SKIC3: variants seen among roughly 807,000 people sequenced by gnomAD.
The protein encoded by SKIC3 is superkiller complex protein 3.
At chr5:95,473,786 G>A in the SKIC3 span, among the ~76,000 whole-genome samples, 1 of 152,024 alleles carries the variant, frequency 6.6e-6, no homozygotes, top group African/African-American at 2.4e-5. Flanking sequence ...GCTGATTTAC[G>A]TTCCTTATTG....
the SKIC3 span, among the ~76,000 whole-genome samples, chr5:95,490,504 A>ATT: frequency 0.12 from 17,925 of 144,078 alleles, 1,810 homozygotes; most frequent in African/African-American, 0.27. Flanking sequence ...ATATATATAT[A>ATT]TTTTTTTTTT....
the SKIC3 span, chr5:95,512,915 CA>C: frequency 0.05 from 12,969 of 257,952 alleles, 5 homozygotes; most frequent in South Asian, 0.082. Flanking sequence ...AAGGTCAGAC[CA>C]AAAAAAAAAA....
chr5:95,494,929 A>C, the SKIC3 span: 1 of 1,608,666 alleles, frequency 6.2e-7, no homozygotes, highest in Non-Finnish European at 8.5e-7. Context: ...TTATTTAATA[A>C]ATTCAACATT....
At chr5:95,522,299 G>A in the SKIC3 span, 2 of 1,613,276 alleles carry the variant, frequency 1.2e-6, no homozygotes, top group South Asian at 1.1e-5. Flanking sequence ...TCTTAATGCT[G>A]CCTGTAAACT....
chr5:95,482,608 C>A, the SKIC3 span: 2 of 1,613,772 alleles, frequency 1.2e-6, no homozygotes, highest in African/African-American at 1.3e-5. Flanking sequence ...TAACGGCTGG[C>A]TGATCAGGGT....
the SKIC3 span, among the ~76,000 whole-genome samples, chr5:95,538,938 CA>C: frequency 6.6e-6 from 1 of 151,992 alleles, no homozygotes; most frequent in Non-Finnish European, 1.5e-5. Flanking sequence ...TTGTGAAAGC[CA>C]ATTCAGTTTC....
At chr5:95,504,850 C>G in the SKIC3 span, among the ~76,000 whole-genome samples, 1 of 151,774 alleles carries the variant, frequency 6.6e-6, no homozygotes, top group Admixed American at 6.6e-5. Flanking sequence ...AAAAAAAATA[C>G]AAAAATTACC....
the SKIC3 span, chr5:95,541,865 A>G: frequency 3.1e-6 from 5 of 1,613,118 alleles, no homozygotes; most frequent in Non-Finnish European, 4.2e-6. Context: ...AGTCATCCTT[A>G]GCATTTATGT....
chr5:95,516,413 A>G, the SKIC3 span: 1 of 1,612,640 alleles, frequency 6.2e-7, no homozygotes, highest in Non-Finnish European at 8.5e-7. Flanking sequence ...CAGCATTCTA[A>G]AAAACATAAC....
chr5:95,551,023 C>G, the SKIC3 span, among the ~76,000 whole-genome samples: 1 of 152,110 alleles, frequency 6.6e-6, no homozygotes, highest in African/African-American at 2.4e-5. Context: ...AGGACATCTA[C>G]AGACAACTAA....
At chr5:95,524,330 AC>A in the SKIC3 span, 1 of 1,323,156 alleles carries the variant, frequency 7.6e-7, no homozygotes, top group East Asian at 2.5e-5. Flanking sequence ...TAACACCATC[AC>A]AAAACCTGAC....
the SKIC3 span, among the ~76,000 whole-genome samples, chr5:95,508,948 T>C: frequency 5.3e-5 from 8 of 152,210 alleles, no homozygotes; most frequent in African/African-American, 1.4e-4. Flanking sequence ...GACAAGTTCT[T>C]AAAAGACAGA....
At chr5:95,467,840 C>T in the SKIC3 span, 2 of 1,612,936 alleles carry the variant, frequency 1.2e-6, no homozygotes, top group South Asian at 1.1e-5. Context: ...ATGCCTCAAA[C>T]ATTTTAAATA....
the SKIC3 span, among the ~76,000 whole-genome samples, chr5:95,475,975 G>T: frequency 6.6e-6 from 1 of 152,210 alleles, no homozygotes; most frequent in African/African-American, 2.4e-5. Context: ...CTGCTCCAGG[G>T]CCTTAGGGGA....
the SKIC3 span, chr5:95,523,361 G>A: frequency 6.3e-7 from 1 of 1,580,962 alleles, no homozygotes; most frequent in Non-Finnish European, 8.7e-7. Context: ...TAGATATATT[G>A]AACATTATAA....
chr5:95,468,886 A>G, the SKIC3 span, among the ~76,000 whole-genome samples: 1 of 152,198 alleles, frequency 6.6e-6, no homozygotes, highest in African/African-American at 2.4e-5. Context: ...GTAGTTCATT[A>G]GGAAGTTTAA....
chr5:95,484,126 C>T, the SKIC3 span, among the ~76,000 whole-genome samples: 6 of 152,108 alleles, frequency 3.9e-5, no homozygotes, highest in Non-Finnish European at 8.8e-5. Context: ...AGCTCCTGTG[C>T]ACATTACTTA....
the SKIC3 span, among the ~76,000 whole-genome samples, chr5:95,529,798 C>G: frequency 6.6e-6 from 1 of 151,568 alleles, no homozygotes; most frequent in Non-Finnish European, 1.5e-5. Flanking sequence ...CTCTCCCTCC[C>G]AATTTACTTT....
chr5:95,540,402 A>G, the SKIC3 span, among the ~76,000 whole-genome samples: 1 of 152,086 alleles, frequency 6.6e-6, no homozygotes, highest in African/African-American at 2.4e-5. Flanking sequence ...TCACTACTAA[A>G]GAACTTACTC....
Sources: allele counts gnomAD v4.1 joint callset (sites outside exome capture counted in the v4.1 genomes callset), GRCh38; gene constraint gnomAD v4.1.1; transcripts MANE v1.5; gene names NCBI Gene and HGNC (gene_info 2026-07-23, HGNC 2026-07-21).